Variants in RNF24 observed in about 807,000 individuals in gnomAD.
RNF24 encodes the protein ring finger protein 24.
RNF24 carries 14 observed loss-of-function variants against 20.0 expected under a neutral mutation model. The ratio of observed to expected loss-of-function variants is 0.70; its 90% confidence interval spans 0.46 to 1.10. RNF24 has a LOEUF of 1.10. Ranked by LOEUF, RNF24 falls within the 50% of genes least tolerant of loss-of-function variation. The pLI is 0.00. For synonymous variants in RNF24, 45 were observed against 61.1 expected (o/e 0.74, Z 1.23); for missense variants, 124 against 177.6 (o/e 0.70, Z 1.71).
chr20:3,958,140 T>C (rs2091163309), intron 2 of RNF24, among the ~76,000 whole-genome samples: 1 of 152,240 alleles, frequency 6.6e-6, no homozygotes, highest in African/African-American at 2.4e-5. Context: ...TTTTGTTTTC[T>C]ACAGCTACCC....
chr20:3,948,401 G>T (rs1600640867), intron 2 of RNF24, 122 bp from the exon 3 acceptor site: 1 of 660,676 alleles, frequency 1.5e-6, no homozygotes, highest in East Asian at 2.9e-5. Context: ...ATATAAATTA[G>T]AATCTTTACC....
chr20:3,974,711 C>T (rs750013739), intron 1 of RNF24, among the ~76,000 whole-genome samples: 1 of 152,002 alleles, frequency 6.6e-6, no homozygotes, highest in East Asian at 1.9e-4. Flanking sequence ...TAGATATGTA[C>T]AGGACTTATA....
At chr20:3,993,793 T>C (rs1980649059) in intron 1 of RNF24, among the ~76,000 whole-genome samples, 1 of 152,212 alleles carries the variant, frequency 6.6e-6, no homozygotes, top group Non-Finnish European at 1.5e-5. Context: ...GCCCACACCA[T>C]AATTTCTAAA....
intron 2 of RNF24, 35 bp downstream of exon 2, chr20:3,963,840 A>C: frequency 6.8e-7 from 1 of 1,475,476 alleles, no homozygotes; most frequent in Non-Finnish European, 9.2e-7. Context: ...ATTATTTAAC[A>C]TATTTTGAAG....
chr20:4,000,980 T>G (rs528637779), intron 1 of RNF24, among the ~76,000 whole-genome samples: 1 of 152,214 alleles, frequency 6.6e-6, no homozygotes, highest in African/African-American at 2.4e-5. Flanking sequence ...TGCAAAAATA[T>G]ATGTGGCCAG....
intron 2 of RNF24, among the ~76,000 whole-genome samples, chr20:3,950,955 ATT>A (rs71195872): frequency 0.37 from 56,596 of 151,722 alleles, 11,813 homozygotes; most frequent in Non-Finnish European, 0.47. Context: ...GCCACTTTTA[ATT>A]TTTTGTTTGT....
chr20:4,001,982 G>T (rs1425479717), intron 1 of RNF24, among the ~76,000 whole-genome samples: 3 of 151,772 alleles, frequency 2.0e-5, no homozygotes, highest in Non-Finnish European at 4.4e-5. Context: ...GCCGGGCGCG[G>T]TGGCTGACAC....
intron 1 of RNF24, among the ~76,000 whole-genome samples, chr20:3,984,651 T>G (rs1024792505): frequency 3.3e-5 from 5 of 152,252 alleles, no homozygotes; most frequent in Admixed American, 6.5e-5. Flanking sequence ...AAATCTTTTA[T>G]CTTCAAAAGG....
At chr20:3,952,319 A>G (rs1263654469) in intron 2 of RNF24, among the ~76,000 whole-genome samples, 1 of 152,154 alleles carries the variant, frequency 6.6e-6, no homozygotes, top group Non-Finnish European at 1.5e-5. Context: ...GACATTTGGT[A>G]ATTTTTGATG....
At chr20:3,941,759 T>G (rs1458502286) in intron 4 of RNF24, among the ~76,000 whole-genome samples, 1 of 152,104 alleles carries the variant, frequency 6.6e-6, no homozygotes, top group Admixed American at 6.6e-5. Context: ...ACTTCAAATA[T>G]AATTCAATGG....
chr20:4,009,385 A>G (rs1215474625), intron 1 of RNF24, among the ~76,000 whole-genome samples: 1 of 152,180 alleles, frequency 6.6e-6, no homozygotes, highest in Non-Finnish European at 1.5e-5. Flanking sequence ...AGAGTTGCTG[A>G]TGATGCAAGA....
chr20:3,933,994 A>G lies in RNF24; in HGVS notation c.*69T>C. The G allele has an allele frequency of 1.5e-6, 2 of 1,374,294 alleles. No individual in the cohort carries two copies. Among genetic ancestry groups the G allele is most frequent in the Non-Finnish European group, 1.9e-6 (2 of 1,050,708 alleles). The allele number at this position is 1,374,294 out of a possible 1,614,324, so 85.1% of individuals were successfully genotyped here. A position where few individuals can be genotyped will look rare whatever the true frequency, so the allele number is the denominator to read the frequency against. The stretch of plus-strand genomic sequence containing the variant: ...TCCTAGGTAGAGAGCAGCCATACAG[A>G]CACCACATGTGTTCCTCCTGGCTCC... On this transcript the variant is annotated 3_prime_UTR_variant, in exon 6 of 6. Coordinates refer to ENST00000358395, the MANE Select transcript of RNF24 (RefSeq NM_001134337.3).
At chr20:3,956,023 T>G (rs74749498) in intron 2 of RNF24, among the ~76,000 whole-genome samples, 216 of 152,228 alleles carry the variant, frequency 1.4e-3, no homozygotes, top group African/African-American at 4.3e-3. Flanking sequence ...GTAGTTTTTT[T>G]TGTGTGTGTG....
intron 3 of RNF24, among the ~76,000 whole-genome samples, chr20:3,947,612 A>T (rs1203596333): frequency 1.3e-5 from 2 of 152,082 alleles, no homozygotes; most frequent in African/African-American, 2.4e-5. Context: ...AATTTCACTT[A>T]ATGGTATCTC....
chr20:3,947,853 C>A (rs1208412510), intron 3 of RNF24, among the ~76,000 whole-genome samples: 1 of 152,084 alleles, frequency 6.6e-6, no homozygotes, highest in Non-Finnish European at 1.5e-5. Context: ...TCGAGACCAG[C>A]CTGACCAACA....
intron 2 of RNF24, among the ~76,000 whole-genome samples, chr20:3,961,102 G>C (rs1016566689): frequency 7.9e-5 from 12 of 152,064 alleles, no homozygotes; most frequent in African/African-American, 2.9e-4. Context: ...CTGTTAGGCT[G>C]ATTATAAAAA....
chr20:3,974,248 C>A, intron 1 of RNF24: 1 of 1,429,824 alleles, frequency 7.0e-7, no homozygotes, highest in Non-Finnish European at 9.4e-7. Flanking sequence ...CTACAAAAAA[C>A]AAACCGGCAA....
intron 1 of RNF24, among the ~76,000 whole-genome samples, chr20:3,988,053 T>TC (rs1253922450): frequency 2.0e-5 from 3 of 152,162 alleles, no homozygotes; most frequent in South Asian, 2.1e-4. Context: ...CTGGGCGTGG[T>TC]CGCTCATGCC....
intron 4 of RNF24, among the ~76,000 whole-genome samples, chr20:3,937,285 GA>G (rs1256708189): frequency 6.6e-6 from 1 of 152,108 alleles, no homozygotes; most frequent in Non-Finnish European, 1.5e-5. Flanking sequence ...CACAAAAAGA[GA>G]AAAGCCTCAG....
Sources: gnomAD v4.1 joint callset for allele counts (sites outside exome capture counted in the v4.1 genomes callset) on GRCh38, gnomAD v4.1.1 for gene constraint, MANE v1.5 for transcripts, NCBI Gene and HGNC (gene_info 2026-07-23, HGNC 2026-07-21) for gene names.